The following TAFA1 variants were observed in gnomAD, a reference collection of about 807,000 sequenced individuals.
TAFA1 encodes the protein TAFA chemokine like family member 1, also known as chemokine-like protein TAFA-1.
Under a neutral mutation model 18.5 loss-of-function variants are expected in TAFA1, and 4 were observed. That is an observed-to-expected ratio of 0.22 (90% CI 0.11 to 0.49). TAFA1 has a LOEUF of 0.49. Ranked by LOEUF, TAFA1 falls within the 20% of genes least tolerant of loss-of-function variation. TAFA1 has a pLI of 0.98. For synonymous variants in TAFA1, 56 were observed against 55.2 expected, an observed-to-expected ratio of 1.01 and a Z score of -0.06; for missense variants, 147 against 169.0, an observed-to-expected ratio of 0.87 and a Z score of 0.72.
intron 2 of TAFA1, among the ~76,000 whole-genome samples, chr3:68,121,927 GA>G (rs34831693): frequency 0.16 from 24,622 of 152,044 alleles, 2,649 homozygotes; most frequent in Admixed American, 0.23. Flanking sequence ...TAACTATATT[GA>G]GGTATTTTGC....
chr3:68,490,536 A>G (rs1472578354), intron 3 of TAFA1, among the ~76,000 whole-genome samples: 2 of 152,158 alleles, frequency 1.3e-5, no homozygotes, highest in African/African-American at 4.8e-5. Context: ...GCAAGACAAC[A>G]TATCATAAAA....
chr3:68,401,306 AC>A (rs2106747050), intron 2 of TAFA1, among the ~76,000 whole-genome samples: 1 of 152,284 alleles, frequency 6.6e-6, no homozygotes, highest in Non-Finnish European at 1.5e-5. Context: ...TCTTCTTGTA[AC>A]AAATCCAGAA....
At chr3:68,530,592 A>G (rs2106772384) in intron 3 of TAFA1, among the ~76,000 whole-genome samples, 1 of 152,286 alleles carries the variant, frequency 6.6e-6, no homozygotes, top group South Asian at 2.1e-4. Context: ...ACTTCAGATA[A>G]GAGAAGCTGG....
At chr3:68,055,334 C>G (rs1370749153) in intron 2 of TAFA1, among the ~76,000 whole-genome samples, 1 of 152,042 alleles carries the variant, frequency 6.6e-6, no homozygotes, top group Non-Finnish European at 1.5e-5. Flanking sequence ...TGGTTTGATT[C>G]TTTGTTTGCC....
intron 2 of TAFA1, among the ~76,000 whole-genome samples, chr3:68,412,706 G>T (rs9855324): frequency 0.71 from 106,583 of 150,990 alleles, 37,677 homozygotes; most frequent in African/African-American, 0.75. Flanking sequence ...GGACATGAAT[G>T]CATCCTTTTT....
At chr3:68,190,231 G>C (rs1202469977) in intron 2 of TAFA1, among the ~76,000 whole-genome samples, 1 of 151,856 alleles carries the variant, frequency 6.6e-6, no homozygotes, top group Non-Finnish European at 1.5e-5. Context: ...TAGTGAAAGA[G>C]ATGATGAATT....
At chr3:68,438,639 A>G (rs770335797) in intron 3 of TAFA1, among the ~76,000 whole-genome samples, 10 of 152,048 alleles carry the variant, frequency 6.6e-5, no homozygotes, top group Non-Finnish European at 1.5e-4. Flanking sequence ...ATTGCTCTAG[A>G]GGAAGTTCTC....
intron 2 of TAFA1, among the ~76,000 whole-genome samples, chr3:68,158,978 T>C (rs1324439643): frequency 6.6e-6 from 1 of 152,190 alleles, no homozygotes; most frequent in East Asian, 1.9e-4. Flanking sequence ...GCATGGCTTT[T>C]GTTCAATCTC....
chr3:68,238,752 T>C (rs1231517169), intron 2 of TAFA1, among the ~76,000 whole-genome samples: 1 of 152,148 alleles, frequency 6.6e-6, no homozygotes, highest in Non-Finnish European at 1.5e-5. Context: ...ATTTAAACAC[T>C]TTTTTGCCTA....
chr3:68,537,377 T>C (rs1468598920), intron 3 of TAFA1, among the ~76,000 whole-genome samples: 1 of 152,136 alleles, frequency 6.6e-6, no homozygotes, highest in East Asian at 1.9e-4. Flanking sequence ...ATCTTGAAAC[T>C]TCATAAAGAA....
chr3:68,119,184 A>G (rs1039044886), intron 2 of TAFA1, among the ~76,000 whole-genome samples: 38 of 151,898 alleles, frequency 2.5e-4, no homozygotes, highest in Admixed American at 2.5e-3. Context: ...TTCTTTGGAG[A>G]AACATCTGTT....
chr3:68,056,442 T>A (rs935753293), intron 2 of TAFA1, among the ~76,000 whole-genome samples: 1 of 152,314 alleles, frequency 6.6e-6, no homozygotes, highest in African/African-American at 2.4e-5. Flanking sequence ...CCAAACCAGA[T>A]GGGTGGTCAC....
intron 2 of TAFA1, among the ~76,000 whole-genome samples, chr3:68,007,484 G>T (rs1187339144): frequency 6.6e-6 from 1 of 151,940 alleles, no homozygotes; most frequent in East Asian, 1.9e-4. Flanking sequence ...TCTCATTACA[G>T]TCCCTCCCAG....
At chr3:68,384,588 T>A (rs1237803393) in intron 2 of TAFA1, among the ~76,000 whole-genome samples, 1 of 152,156 alleles carries the variant, frequency 6.6e-6, no homozygotes, top group Non-Finnish European at 1.5e-5. Context: ...CTTACAATTA[T>A]GTGATTGATT....
chr3:68,522,302 T>C (rs961389634), intron 3 of TAFA1, among the ~76,000 whole-genome samples: 1 of 152,162 alleles, frequency 6.6e-6, no homozygotes, highest in Non-Finnish European at 1.5e-5. Context: ...AAATTCTCAA[T>C]GAGAACACGT....
chr3:68,254,451 A>T (rs1324593649), intron 2 of TAFA1, among the ~76,000 whole-genome samples: 1 of 152,192 alleles, frequency 6.6e-6, no homozygotes, highest in South Asian at 2.1e-4. Context: ...AGACTTTTTT[A>T]AACCTGGAAG....
chr3:68,010,086 G>A (rs1024041729), intron 2 of TAFA1, among the ~76,000 whole-genome samples: 1 of 152,298 alleles, frequency 6.6e-6, no homozygotes, highest in South Asian at 2.1e-4. Flanking sequence ...AGCAAGAGCA[G>A]GCAGACTCCG....
chr3:68,415,705 C>T (rs549092305), intron 2 of TAFA1, among the ~76,000 whole-genome samples: 31 of 152,182 alleles, frequency 2.0e-4, no homozygotes, highest in Middle Eastern at 3.4e-3. Context: ...ATGTCAGGCT[C>T]GGCACTAACC....
At chr3:68,329,646 T>C (rs1481322520) in intron 2 of TAFA1, among the ~76,000 whole-genome samples, 5 of 152,204 alleles carry the variant, frequency 3.3e-5, no homozygotes, top group East Asian at 1.9e-4. Context: ...ATGTTGACCA[T>C]TGGCTTTCTA....
Sources: gnomAD v4.1 joint callset for allele counts (sites outside exome capture counted in the v4.1 genomes callset) on GRCh38, gnomAD v4.1.1 for gene constraint, MANE v1.5 for transcripts, NCBI Gene and HGNC (gene_info 2026-07-23, HGNC 2026-07-21) for gene names.